EIF4G2: variants seen among roughly 807,000 people sequenced by gnomAD.
EIF4G2 encodes DAP-5.
Under a neutral mutation model 117.7 loss-of-function variants are expected in EIF4G2, and 8 were observed. The observed-to-expected ratio is 0.07, with a 90% CI of 0.04 to 0.12. The LOEUF is 0.12. Among genes scored for constraint, EIF4G2 ranks in the 10% least tolerant of loss-of-function variants. The probability of loss-of-function intolerance (pLI) is 1.00; values close to 1 mark genes in which losing one functional copy is unlikely to be tolerated. For missense variants in EIF4G2, 812 were observed against 1,086.2 expected (o/e 0.75, Z 3.55); for synonymous variants, 413 against 367.8 (o/e 1.12, Z -1.41).
At chr11:10,808,339 G>A (rs938481168) in intron 1 of EIF4G2, 17 of 1,196,270 alleles carry the variant, frequency 1.4e-5, no homozygotes, top group East Asian at 1.6e-4. Flanking sequence ...CCAACGGCCT[G>A]GCCTTCCCTG....
At chr11:10,805,120 A>G (rs1422383229) in intron 4 of EIF4G2, 105 bp from the exon 5 acceptor site, 1 of 882,266 alleles carries the variant, frequency 1.1e-6, no homozygotes, top group Non-Finnish European at 1.8e-6. Flanking sequence ...TGCTCCCTTT[A>G]AAAAATCAAG....
In EIF4G2 at chr11:10,803,380, G is replaced by A. The variant is rs1847480210; in HGVS notation, c.814-86C>T. 1 of 1,563,488 alleles carries A rather than the reference G, an allele frequency of 6.4e-7. No individual in the cohort carries two copies. Among genetic ancestry groups the A allele is most frequent in the Non-Finnish European group, 8.8e-7 (1 of 1,139,626 alleles). ...TTAAGACTTCTAAAATTATAACCCA[G>A]TTAATGGCTAAATATGGCAATCCCT... is the stretch of plus-strand genomic sequence containing the variant. On this transcript the variant is annotated intron_variant, in intron 9 of 21. Transcript: ENST00000339995. The surrounding 1 kb of genome is among the most constrained non-coding windows in gnomAD (Gnocchi z 4.0).
At chr11:10,801,212 A>C in intron 14 of EIF4G2, 125 bp from the exon 15 acceptor site, 3 of 1,372,652 alleles carry the variant, frequency 2.2e-6, no homozygotes, top group Non-Finnish European at 2.9e-6. Context: ...TGAAAAACTA[A>C]AGAAGGTACT....
In EIF4G2 at chr11:10,802,381, A is replaced by G. The variant is rs748119679; in HGVS notation, c.1051T>C (p.Phe351Leu). ...GGTGGCATGAACGGTCCCTCCAGAA[A>G]GAAGTCACTTCTCATCCCTTGAGCC... is the stretch of plus-strand genomic sequence containing the variant. The change falls in exon 12 of 22, where the codon TTT (phenylalanine) becomes CTT (leucine). Residue 351 changes from phenylalanine to leucine, a missense_variant. Transcript: ENST00000339995. The G allele has an allele frequency of 3.5e-5, 56 of 1,613,822 alleles. No individual in the cohort carries two copies. Among genetic ancestry groups the G allele is most frequent in the Non-Finnish European group, 4.7e-5 (56 of 1,179,964 alleles).
intron 21 of EIF4G2, among the ~76,000 whole-genome samples, chr11:10,798,378 AATATATAGT>A (rs1847320894): frequency 6.6e-6 from 1 of 152,162 alleles, no homozygotes; most frequent in South Asian, 2.1e-4. Context: ...TTTTTAGAAA[AATATATAGT>A]ATTTAAACTT....
At chr11:10,801,186 G>C (rs931987928) in intron 14 of EIF4G2, 99 bp from the exon 15 acceptor site, 17 of 1,501,942 alleles carry the variant, frequency 1.1e-5, no homozygotes, top group South Asian at 1.1e-4. Context: ...AGAATCTAGG[G>C]AAACATTAAG....
chr11:10,803,704 A>T lies in EIF4G2; in HGVS notation c.703-114T>A. On this transcript the variant is annotated intron_variant, in intron 8 of 21. Coordinates refer to ENST00000339995, the MANE Select transcript of EIF4G2 (RefSeq NM_001418.4). The surrounding 1 kb of genome is among the most constrained non-coding windows in gnomAD (Gnocchi z 4.0). ...ATTCACAGTTCCTACAGAATCTAGT[A>T]TAGGGCTTTCTACCAGTCTGGTTGA... 4.4e-6 allele frequency: 5 copies of T among 1,140,170 alleles called. No homozygotes were observed. The highest frequency in any genetic ancestry group is 6.4e-6 in the Non-Finnish European group (5 of 787,170). 70.6% of individuals were successfully genotyped at this position (1,140,170 alleles called of 1,614,324 possible).
chr11:10,806,909 T>G, intron 2 of EIF4G2, 24 bp from the exon 3 acceptor site: 1 of 1,610,080 alleles, frequency 6.2e-7, no homozygotes. Context: ...AAAAATTGTT[T>G]ACTGTATCCC....
At position 10,804,953 on chromosome 11, in the gene EIF4G2, C is replaced by T; in HGVS notation, c.311G>A (p.Gly104Asp). Reference sequence around the variant, plus strand: ...TTTAAGGATGAGTTTAGACTCTACACCCACATTGAGGAGCTCAAGGCATAG... The same window carrying T: ...TTTAAGGATGAGTTTAGACTCTACATCCACATTGAGGAGCTCAAGGCATAG... The change falls in exon 5 of 22, where the codon GGT (glycine) becomes GAT (aspartate). Residue 104 changes from glycine (G) to aspartate (D), a missense_variant. Physicochemically the swap from Gly to Asp is moderately conservative, Grantham distance 94. Around this residue, in one of 4 missense-constraint regions of EIF4G2, gnomAD observed 154 missense variants for 322.1 expected, o/e 0.48. Transcript: ENST00000339995. 6.2e-7 allele frequency: 1 copy of T among 1,614,096 alleles called. No homozygotes were observed. The highest frequency in any genetic ancestry group is 8.5e-7 in the Non-Finnish European group (1 of 1,179,984).
chr11:10,806,975 A>T, intron 2 of EIF4G2, 90 bp from the exon 3 acceptor site: 1 of 1,471,416 alleles, frequency 6.8e-7, no homozygotes, highest in Non-Finnish European at 9.4e-7. Context: ...CTTTGCTTGT[A>T]GAGATGGGGG....
intron 21 of EIF4G2, 111 bp downstream of exon 21, chr11:10,798,881 A>G (rs1758956659): frequency 3.1e-6 from 4 of 1,295,276 alleles, no homozygotes; most frequent in Non-Finnish European, 4.3e-6. Context: ...GTGAAGACAA[A>G]CTACTAACTA....
chr11:10,802,250 AC>A (rs1564982854), intron 12 of EIF4G2, 41 bp from the exon 13 acceptor site: 1 of 1,611,630 alleles, frequency 6.2e-7, no homozygotes, highest in African/African-American at 1.3e-5. Context: ...ACTAAAGTTA[AC>A]TGATTTTTCA....
rs11542384 is a variant in EIF4G2, at chr11:10,799,638, G to A, written c.2238C>T (p.Ser746=). The change falls in exon 19 of 22, where the codon TCC becomes TCT. Residue 746 remains serine (S), a synonymous_variant. Transcript: ENST00000339995. ...TAATCCATTTATATATGGTTTGAGGGGATGGATCCAACTTTATTTGCTTCA... is the reference window on the plus strand; with the variant it reads ...TAATCCATTTATATATGGTTTGAGGAGATGGATCCAACTTTATTTGCTTCA... 36,272 of 1,613,972 alleles carry A rather than the reference G, an allele frequency of 0.022. 6,006 individuals carry two copies. The African/African-American group carries it at 0.39, about 17-fold the overall frequency.
chr11:10,806,578 C>A (rs2135420681), intron 3 of EIF4G2: 1 of 490,446 alleles, frequency 2.0e-6, no homozygotes, highest in Non-Finnish European at 3.6e-6. Context: ...TTCAGAAAAA[C>A]ACATTAGTAA....
At chr11:10,808,566 G>C (rs890192213) in intron 1 of EIF4G2, 139 bp downstream of exon 1, 2 of 1,011,676 alleles carry the variant, frequency 2.0e-6, no homozygotes, top group Non-Finnish European at 2.5e-6. Context: ...GGTATCTGAA[G>C]CGCAGAGGAA....
At chr11:10,805,412 C>T (rs749465911) in intron 4 of EIF4G2, among the ~76,000 whole-genome samples, 2 of 151,896 alleles carry the variant, frequency 1.3e-5, no homozygotes, top group Non-Finnish European at 2.9e-5. Flanking sequence ...CTGAAAGCAA[C>T]GGGAAGCCCC....
Position 10,797,800 on chromosome 11 carries a change from G to GGCT in EIF4G2, c.*13_*15dup. 6.2e-7 allele frequency: 1 copy of GGCT among 1,613,738 alleles called. No homozygotes were observed. The highest frequency in any genetic ancestry group is 8.5e-7 in the Non-Finnish European group (1 of 1,179,878). On this transcript the variant is annotated 3_prime_UTR_variant, in exon 22 of 22. Coordinates refer to ENST00000339995, the MANE Select transcript of EIF4G2 (RefSeq NM_001418.4). This position sits in a 1 kb window ranked among gnomAD's most constrained non-coding sequence, Gnocchi z 4.5. Reference sequence around the variant, plus strand: ...CAACAGTATGTTTTGCACAATTTAAGGCTTTGGCTGGTTCTTTAGTCAGCT... The same window carrying GGCT: ...CAACAGTATGTTTTGCACAATTTAAGGCTGCTTTGGCTGGTTCTTTAGTCAGCT...
chr11:10,807,005 C>T (rs1316307076), intron 2 of EIF4G2, 120 bp from the exon 3 acceptor site: 6 of 1,275,902 alleles, frequency 4.7e-6, no homozygotes, highest in Non-Finnish European at 6.7e-6. Context: ...TTTGCCCAGA[C>T]TGGAGCCAGG....
Position 10,804,503 on chromosome 11 carries a change from T to C in EIF4G2, c.352-85A>G. On this transcript the variant is annotated intron_variant, in intron 5 of 21. Coordinates refer to ENST00000339995, the MANE Select transcript of EIF4G2 (RefSeq NM_001418.4). The stretch of plus-strand genomic sequence containing the variant: ...AGGAAAAATACAACCACCTAAATGT[T>C]AGCTATTACAGTCTACCAAAAATGT... The C allele has an allele frequency of 3.4e-6, 5 of 1,477,242 alleles. No individual in the cohort carries two copies. The South Asian group carries it at 6.9e-5, about 21-fold the overall frequency. 91.5% of individuals were successfully genotyped at this position (1,477,242 alleles called of 1,614,324 possible). A position where few individuals can be genotyped will look rare whatever the true frequency, so the allele number is the denominator to read the frequency against.
Sources: gnomAD v4.1 joint callset for allele counts (sites outside exome capture counted in the v4.1 genomes callset) on GRCh38, gnomAD v4.1.1 for gene constraint, gnomAD v4.1.1 regional missense constraint, Gnocchi (gnomAD v3.1) non-coding constraint, MANE v1.5 for transcripts, NCBI Gene and HGNC (gene_info 2026-07-23, HGNC 2026-07-21) for gene names.